The following RSRC1 variants were observed in gnomAD, a reference collection of about 807,000 sequenced individuals.
RSRC1 encodes the protein serine/Arginine-related protein 53.
Under a neutral mutation model 49.1 loss-of-function variants are expected in RSRC1, and 39 were observed. The observed-to-expected ratio is 0.79, with a 90% CI of 0.61 to 1.04. The LOEUF is 1.04. Ranked by LOEUF, RSRC1 falls within the 50% of genes least tolerant of loss-of-function variation. The pLI is 0.00. For synonymous variants in RSRC1, 143 were observed against 130.8 expected, an observed-to-expected ratio of 1.09 and a Z score of -0.63; for missense variants, 388 against 402.4, an observed-to-expected ratio of 0.96 and a Z score of 0.31.
chr3:158,284,521 T>C (rs1277169327), intron 4 of RSRC1, among the ~76,000 whole-genome samples: 1 of 148,938 alleles, frequency 6.7e-6, no homozygotes, highest in Non-Finnish European at 1.5e-5. Context: ...AGTGTAAAAG[T>C]GTTCCTATTT....
chr3:158,436,113 CA>C (rs1195336908), intron 6 of RSRC1, among the ~76,000 whole-genome samples: 2 of 151,796 alleles, frequency 1.3e-5, no homozygotes, highest in African/African-American at 4.8e-5. Flanking sequence ...GTTCAATAAA[CA>C]TTTATCGAGG....
At chr3:158,452,750 C>T (rs1256722329) in intron 6 of RSRC1, among the ~76,000 whole-genome samples, 2 of 152,138 alleles carry the variant, frequency 1.3e-5, no homozygotes, top group African/African-American at 4.8e-5. Flanking sequence ...TAGAGCATCA[C>T]GAAACTTCTT....
chr3:158,260,944 G>A (rs1386512241), intron 4 of RSRC1, among the ~76,000 whole-genome samples: 1 of 152,164 alleles, frequency 6.6e-6, no homozygotes, highest in Non-Finnish European at 1.5e-5. Context: ...GGGGGTTCAG[G>A]GAAAGGTGGT....
chr3:158,354,246 C>A lies in RSRC1; in HGVS notation c.532-611C>A, dbSNP rs562758576. On this transcript the variant is annotated intron_variant, in intron 5 of 9. Coordinates refer to ENST00000611884, the MANE Select transcript of RSRC1 (RefSeq NM_001271838.2). ...CCTTGTGATCCACCCGCCTCGGCCT[C>A]CCAAAGTGCTGGGATTACGGGCGTC... 2.9e-4 allele frequency among the ~76,000 whole-genome samples: 44 copies of A among 152,062 alleles called. 1 individual carries two copies. Among genetic ancestry groups the A allele is most frequent in the Non-Finnish European group, 5.6e-4 (38 of 67,994 alleles).
rs545350691 is a variant in RSRC1, at chr3:158,280,113, C to T, written c.495-17926C>T. Among the ~76,000 whole-genome samples, 82 of 152,246 alleles carry T rather than the reference C, an allele frequency of 5.4e-4. 2 individuals carry two copies. The South Asian group carries it at 0.017, about 31-fold the overall frequency. On this transcript the variant is annotated intron_variant, in intron 4 of 9. Transcript: ENST00000611884. ...TTTCATTAACTCTTTATTCAAATTT[C>T]CTAGTATAATTCATGTCATCCTATA...
chr3:158,511,989 G>C (rs1283032474), intron 7 of RSRC1, among the ~76,000 whole-genome samples: 2 of 149,552 alleles, frequency 1.3e-5, no homozygotes, highest in East Asian at 3.9e-4. Context: ...TTGTAAATTT[G>C]TTGGAGTTCA....
intron 7 of RSRC1, among the ~76,000 whole-genome samples, chr3:158,474,650 C>T (rs1738289813): frequency 6.6e-6 from 1 of 151,924 alleles, no homozygotes; most frequent in South Asian, 2.1e-4. Context: ...TCCTTTCAGC[C>T]ACTTTCTCTG....
intron 7 of RSRC1, among the ~76,000 whole-genome samples, chr3:158,482,518 T>G (rs1738649435): frequency 6.6e-6 from 1 of 152,070 alleles, no homozygotes; most frequent in Non-Finnish European, 1.5e-5. Context: ...AGCTTCTGTT[T>G]CATTGTAGTC....
chr3:158,223,039 C>T (rs564164358), intron 4 of RSRC1, among the ~76,000 whole-genome samples: 9 of 151,826 alleles, frequency 5.9e-5, no homozygotes, highest in African/African-American at 1.9e-4. Flanking sequence ...CTTACCACTC[C>T]GCTGAAACCT....
intron 4 of RSRC1, among the ~76,000 whole-genome samples, chr3:158,252,925 G>GTAGTGTCTCCTTT (rs1245335913): frequency 2.6e-5 from 4 of 151,904 alleles, no homozygotes; most frequent in African/African-American, 9.7e-5. Context: ...GGTATCAGTT[G>GTAGTGTCTCCTTT]TAGTGTCTCC....
intron 1 of RSRC1, among the ~76,000 whole-genome samples, chr3:158,115,581 A>G (rs190624015): frequency 3.3e-5 from 5 of 152,320 alleles, no homozygotes; most frequent in Admixed American, 3.3e-4. Context: ...TTTAATAACA[A>G]TAAACCCAAA....
chr3:158,379,950 A>G (rs949000894), intron 6 of RSRC1, among the ~76,000 whole-genome samples: 1 of 151,664 alleles, frequency 6.6e-6, no homozygotes, highest in African/African-American at 2.4e-5. Context: ...AATGTAAGCT[A>G]TATCAGGGTA....
chr3:158,199,306 C>T (rs991872363), intron 3 of RSRC1, among the ~76,000 whole-genome samples: 11 of 151,586 alleles, frequency 7.3e-5, no homozygotes, highest in African/African-American at 1.2e-4. Flanking sequence ...TTATCAGCAG[C>T]GTGAAAATGG....
intron 4 of RSRC1, among the ~76,000 whole-genome samples, chr3:158,289,354 G>A (rs1312549983): frequency 6.6e-6 from 1 of 152,124 alleles, no homozygotes; most frequent in Non-Finnish European, 1.5e-5. Flanking sequence ...ATTGGAATAA[G>A]CCAAGTGTGT....
chr3:158,326,870 TG>T (rs1280769100), intron 5 of RSRC1, among the ~76,000 whole-genome samples: 3 of 152,186 alleles, frequency 2.0e-5, no homozygotes, highest in African/African-American at 7.2e-5. Flanking sequence ...ATACTTTTTT[TG>T]GTTGGTAGGC....
chr3:158,194,648 C>A (rs532071136), intron 3 of RSRC1, among the ~76,000 whole-genome samples: 5 of 101,850 alleles, frequency 4.9e-5, no homozygotes, highest in African/African-American at 1.9e-4. Context: ...CCCTCCCCCT[C>A]CCCCCACCCC....
chr3:158,302,627 A>G (rs1727623291), intron 5 of RSRC1: 1 of 117,508 alleles, frequency 8.5e-6, no homozygotes, highest in African/African-American at 3.3e-5. Context: ...TTCTTGTTCT[A>G]TCAAAGGGTG....
At chr3:158,471,459 A>G (rs1738132352) in intron 7 of RSRC1, among the ~76,000 whole-genome samples, 1 of 152,184 alleles carries the variant, frequency 6.6e-6, no homozygotes, top group African/African-American at 2.4e-5. Context: ...AGCAACAGTA[A>G]TGATGGTATA....
chr3:158,300,073 G>A (rs1342264722), intron 5 of RSRC1, among the ~76,000 whole-genome samples: 1 of 152,014 alleles, frequency 6.6e-6, no homozygotes, highest in East Asian at 1.9e-4. Context: ...CCCTATTTTT[G>A]ACACTAAGTT....
Sources: gnomAD v4.1 joint callset for allele counts (sites outside exome capture counted in the v4.1 genomes callset) on GRCh38, gnomAD v4.1.1 for gene constraint, MANE v1.5 for transcripts, NCBI Gene and HGNC (gene_info 2026-07-23, HGNC 2026-07-21) for gene names.